KTN1: variants seen among roughly 807,000 people sequenced by gnomAD.
KTN1 encodes the protein kinectin 1.
Under a neutral mutation model 222.5 loss-of-function variants are expected in KTN1, and 130 were observed. The ratio of observed to expected loss-of-function variants is 0.58; its 90% CI spans 0.51 to 0.68. The LOEUF is 0.68. Among genes scored for constraint, KTN1 ranks in the 30% least tolerant of loss-of-function variants. The pLI is 0.00. For synonymous variants in KTN1, 512 were observed against 496.3 expected (o/e 1.03, Z -0.42); for missense variants, 1,508 against 1,500.4 (o/e 1.01, Z -0.08).
intron 4 of KTN1, among the ~76,000 whole-genome samples, 199 bp downstream of exon 4, chr14:55,618,333 G>C (rs370485045): frequency 1.1e-4 from 16 of 152,144 alleles, no homozygotes; most frequent in African/African-American, 3.6e-4. Flanking sequence ...CTTTTTAAAG[G>C]TCCTACAGCT....
chr14:55,646,651 AGAATT>A (rs1365945446), intron 18 of KTN1, among the ~76,000 whole-genome samples: 4 of 150,092 alleles, frequency 2.7e-5, no homozygotes, highest in Non-Finnish European at 4.4e-5. Context: ...TTGTATTTGA[AGAATT>A]GAATTAATGT....
At chr14:55,642,401 C>CT (rs1285343381) in intron 18 of KTN1, among the ~76,000 whole-genome samples, 2 of 152,136 alleles carry the variant, frequency 1.3e-5, no homozygotes, top group African/African-American at 4.8e-5. Context: ...ACTATATCAG[C>CT]TTTGAATAAG....
At chr14:55,620,860 T>C (rs1389795136) in intron 5 of KTN1, among the ~76,000 whole-genome samples, 2 of 152,226 alleles carry the variant, frequency 1.3e-5, no homozygotes, top group African/African-American at 2.4e-5. Context: ...TCATTACTTA[T>C]GCAAATTTCT....
At chr14:55,625,991 T>C (rs2039767550) in intron 5 of KTN1, among the ~76,000 whole-genome samples, 1 of 152,196 alleles carries the variant, frequency 6.6e-6, no homozygotes, top group Non-Finnish European at 1.5e-5. Flanking sequence ...ATTCAATTTC[T>C]TTGGCATTCA....
At chr14:55,620,245 C>T (rs2038959124) in intron 5 of KTN1, among the ~76,000 whole-genome samples, 1 of 152,158 alleles carries the variant, frequency 6.6e-6, no homozygotes, top group Admixed American at 6.5e-5. Flanking sequence ...AGGGTACAGC[C>T]TCCTTTCTGG....
In KTN1 at chr14:55,673,174, G is replaced by A. The variant is rs1181763059; in HGVS notation, c.3690G>A (p.Leu1230=). The A allele has an allele frequency of 1.2e-6, 2 of 1,611,788 alleles. No homozygotes were observed. Among genetic ancestry groups the A allele is most frequent in the Admixed American group, 3.3e-5 (2 of 59,964 alleles). The change falls in exon 40 of 44, where the codon CTG becomes CTA. Residue 1230 remains leucine, a splice_region_variant and synonymous_variant. Coordinates refer to ENST00000395314, the MANE Select transcript of KTN1 (RefSeq NM_001079521.2). ...RSTYVTEVRE[L]KDLLTELQKK... Reference sequence around the variant, plus strand: ...TTAAACTCTAAACTTCATTGCAGCTGAAAGATCTGTTGACTGAATTGCAGA... The same window carrying A: ...TTAAACTCTAAACTTCATTGCAGCTAAAAGATCTGTTGACTGAATTGCAGA...
At chr14:55,594,951 CAG>C (rs531897320) in intron 1 of KTN1, among the ~76,000 whole-genome samples, 97 of 152,262 alleles carry the variant, frequency 6.4e-4, no homozygotes, top group African/African-American at 2.2e-3. Context: ...TTCTGGAGTT[CAG>C]AGTTACCTTG....
rs144852736 is a variant in KTN1, at chr14:55,596,737, G to A, written c.-30-15282G>A. Among the ~76,000 whole-genome samples, 45 of 152,072 alleles carry A rather than the reference G, an allele frequency of 3.0e-4. No homozygotes were observed. In the East Asian group the frequency reaches 7.5e-3, roughly 25 times the overall value. ...GCTCCCTAAGGTTCTTAGTAAGATC[G>A]GGTCTCTCACTAATTTTTTGCTTAG... On this transcript the variant is annotated intron_variant, in intron 1 of 43. Transcript: ENST00000395314.
In KTN1 at chr14:55,643,542, A is replaced by C. The variant is rs140518272; in HGVS notation, c.2172+1782A>C. On this transcript the variant is annotated intron_variant, in intron 18 of 43. Coordinates refer to ENST00000395314, the MANE Select transcript of KTN1 (RefSeq NM_001079521.2). ...CTGATAACCAGTGTATGAAGTTTTA[A>C]ACTTTAAAATTAACTTCATGGAGGT... Among the ~76,000 whole-genome samples the C allele has an allele frequency of 4.3e-4, 66 of 152,304 alleles. No homozygotes were observed. The East Asian group carries it at 0.01, about 24-fold the overall frequency.
chr14:55,631,262 C>T (rs2040473577), intron 7 of KTN1, among the ~76,000 whole-genome samples: 1 of 149,386 alleles, frequency 6.7e-6, no homozygotes, highest in Non-Finnish European at 1.5e-5. Context: ...CTTCCATCTG[C>T]TGGCTGATCC....
At chr14:55,663,880 A>G (rs978749668) in intron 32 of KTN1, 75 bp from the exon 33 acceptor site, 11 of 1,018,408 alleles carry the variant, frequency 1.1e-5, no homozygotes, top group African/African-American at 1.6e-5. Flanking sequence ...TGCAGTGCAA[A>G]ATACTGATGA....
At chr14:55,599,731 T>G (rs1009907212) in intron 1 of KTN1, among the ~76,000 whole-genome samples, 1 of 151,986 alleles carries the variant, frequency 6.6e-6, no homozygotes, top group Non-Finnish European at 1.5e-5. Flanking sequence ...GTGAGCCATT[T>G]TTATGTCAAT....
intron 1 of KTN1, among the ~76,000 whole-genome samples, chr14:55,603,098 C>G (rs1053754294): frequency 6.6e-6 from 1 of 152,084 alleles, no homozygotes; most frequent in East Asian, 1.9e-4. Flanking sequence ...CAAATTCTGT[C>G]TTTTCTTGCT....
intron 1 of KTN1, among the ~76,000 whole-genome samples, chr14:55,586,365 T>C (rs982485734): frequency 2.6e-5 from 4 of 152,212 alleles, no homozygotes; most frequent in Non-Finnish European, 4.4e-5. Context: ...TCATAAGTGA[T>C]AGCTAACATT....
At chr14:55,602,729 A>G (rs2036165530) in intron 1 of KTN1, among the ~76,000 whole-genome samples, 1 of 151,974 alleles carries the variant, frequency 6.6e-6, no homozygotes, top group Non-Finnish European at 1.5e-5. Context: ...CTACAGGTGC[A>G]TGCCACCACG....
At position 55,617,963 on chromosome 14, in the gene KTN1, G is replaced by T. The variant is rs1339604719; in HGVS notation, c.662-1G>T. 5 of 1,561,320 alleles carry T rather than the reference G, an allele frequency of 3.2e-6. No individual in the cohort carries two copies. In the African/African-American group the frequency reaches 5.5e-5, roughly 17 times the overall value. The stretch of plus-strand genomic sequence containing the variant: ...ATGATTTTGTTGAACTTAAATTGCA[G>T]TCTTCGTAGATGAACCCCTTATTCA... On this transcript the variant is annotated splice_acceptor_variant, in intron 3 of 43. Coordinates refer to ENST00000395314, the MANE Select transcript of KTN1 (RefSeq NM_001079521.2). LOFTEE classifies it high-confidence loss of function.
At chr14:55,587,792 G>T (rs1007925864) in intron 1 of KTN1, among the ~76,000 whole-genome samples, 4 of 152,124 alleles carry the variant, frequency 2.6e-5, no homozygotes, top group African/African-American at 4.8e-5. Context: ...GATAATCTTT[G>T]TGCTTGGTAC....
At chr14:55,672,028 A>G in intron 37 of KTN1, 151 bp downstream of exon 37, 1 of 616,070 alleles carries the variant, frequency 1.6e-6, no homozygotes, top group South Asian at 2.1e-5. Flanking sequence ...TGTTTTCATG[A>G]GCCCTCCAGA....
chr14:55,600,734 A>G (rs1460740782), intron 1 of KTN1, among the ~76,000 whole-genome samples: 1 of 152,112 alleles, frequency 6.6e-6, no homozygotes, highest in Non-Finnish European at 1.5e-5. Context: ...TTGTAGTGTT[A>G]ATTTTTGAAC....
Sources: allele counts gnomAD v4.1 joint callset (sites outside exome capture counted in the v4.1 genomes callset), GRCh38; gene constraint gnomAD v4.1.1; transcripts MANE v1.5; gene names NCBI Gene and HGNC (gene_info 2026-07-23, HGNC 2026-07-21).